GCFC2: variants seen among roughly 807,000 people sequenced by gnomAD.
GCFC2 encodes intron Large complex component GCFC2.
Under a neutral mutation model 99.4 loss-of-function variants are expected in GCFC2, and 102 were observed. The ratio of observed to expected loss-of-function variants is 1.03; its 90% CI spans 0.87 to 1.21. GCFC2 has a LOEUF of 1.21. Among genes scored for constraint, GCFC2 ranks in the 50% most tolerant of loss-of-function variants. The probability of loss-of-function intolerance (pLI) is 0.00; values close to 1 mark genes in which losing one functional copy is unlikely to be tolerated. For missense variants in GCFC2, 973 were observed against 920.9 expected (o/e 1.06, Z -0.73); for synonymous variants, 338 against 316.8 (o/e 1.07, Z -0.71).
chr2:75,702,138 T>TTC (rs768878844), intron 3 of GCFC2, 61 bp downstream of exon 3: 1 of 1,542,022 alleles, frequency 6.5e-7, no homozygotes, highest in South Asian at 1.2e-5. Context: ...TTTATGGAGA[T>TTC]TCTCTCATAT....
intron 8 of GCFC2, chr2:75,690,360 G>A (rs1002764432): frequency 2.0e-6 from 1 of 497,462 alleles, no homozygotes; most frequent in South Asian, 2.7e-5. Flanking sequence ...ACCAGATTCC[G>A]AAGAGGGGGT....
rs748577990 is a variant in GCFC2 at position 75,673,446 on chromosome 2, CTT to C, written c.1885_1886del (p.Lys629GlufsTer38). The C allele has an allele frequency of 7.5e-7, 1 of 1,337,352 alleles. No individual in the cohort carries two copies. The highest frequency in any genetic ancestry group is 1.4e-5 in the African/African-American group (1 of 69,660). 82.8% of individuals were successfully genotyped at this position (1,337,352 alleles called of 1,614,324 possible). A position where few individuals can be genotyped will look rare whatever the true frequency, so the allele number is the denominator to read the frequency against. On this transcript the variant is annotated frameshift_variant, in exon 13 of 17. Coordinates refer to ENST00000321027, the MANE Select transcript of GCFC2 (RefSeq NM_003203.5). LOFTEE classifies it high-confidence loss of function. Reference sequence around the variant, plus strand: ...ATCTAGAAATTAACAGCGCTTACCTCTTTGGATACAGAGGAATAAAAACATCA... The same window carrying C: ...ATCTAGAAATTAACAGCGCTTACCTCTGGATACAGAGGAATAAAAACATCA... ...EDDVFIPLYP[K>X]SAVENKTSPH...
chr2:75,695,909 T>C (rs907517554), intron 5 of GCFC2, among the ~76,000 whole-genome samples: 1 of 152,176 alleles, frequency 6.6e-6, no homozygotes, highest in Non-Finnish European at 1.5e-5. Flanking sequence ...TAGAACAGCA[T>C]GCAATTTAAA....
At chr2:75,683,445 C>T (rs1204413379) in intron 11 of GCFC2, among the ~76,000 whole-genome samples, 2 of 151,804 alleles carry the variant, frequency 1.3e-5, no homozygotes, top group Non-Finnish European at 2.9e-5. Flanking sequence ...CTGAAGGAAG[C>T]GCTAAACATG....
chr2:75,699,629 T>C (rs1452679977), intron 4 of GCFC2, among the ~76,000 whole-genome samples: 1 of 151,962 alleles, frequency 6.6e-6, no homozygotes, highest in Non-Finnish European at 1.5e-5. Context: ...CAGACTGGAG[T>C]GCAGTGGTGT....
chr2:75,706,721 CA>C (rs1680885626), intron 1 of GCFC2, 70 bp from the exon 2 acceptor site: 1 of 991,162 alleles, frequency 1.0e-6, no homozygotes, highest in Non-Finnish European at 1.5e-6. Flanking sequence ...AAATTCTGAA[CA>C]ACACATGGCA....
intron 3 of GCFC2, chr2:75,701,742 C>T: frequency 2.5e-6 from 1 of 404,678 alleles, no homozygotes; most frequent in South Asian, 1.0e-4. Flanking sequence ...AAACCTTGGT[C>T]AAATGCATAT....
Position 75,664,192 on chromosome 2 carries a change from ATTTG to A in GCFC2, c.*470_*473del. Reference sequence around the variant, plus strand: ...AATTGGTACAGATTTCTGAAGGATAATTTGACAATCGGCACATGCCTTAATCATT... The same window carrying A: ...AATTGGTACAGATTTCTGAAGGATAAACAATCGGCACATGCCTTAATCATT... On this transcript the variant is annotated 3_prime_UTR_variant, in exon 17 of 17. Transcript: ENST00000321027. The A allele has an allele frequency of 6.6e-6, 1 of 152,432 alleles. No individual in the cohort carries two copies. The highest frequency in any genetic ancestry group is 1.9e-4 in the East Asian group (1 of 5,190). The allele number at this position is 152,432 out of a possible 1,614,324, so 9.4% of individuals were successfully genotyped here.
Position 75,673,127 on chromosome 2 carries a change from G to C in GCFC2, c.1889+317C>G, listed in dbSNP as rs753463110. Among the ~76,000 whole-genome samples the C allele has an allele frequency of 2.9e-4, 44 of 152,228 alleles. No homozygotes were observed. The Middle Eastern group carries it at 0.014, about 47-fold the overall frequency. ...AGATCGAGACCATCCTGGCTAACAT[G>C]GTGAAACCCCATCTCTACTAAATAT... On this transcript the variant is annotated intron_variant, in intron 13 of 16. Transcript: ENST00000321027.
At chr2:75,664,985 T>C (rs17690224) in intron 16 of GCFC2, among the ~76,000 whole-genome samples, 29,247 of 152,086 alleles carry the variant, frequency 0.19, 3,554 homozygotes, top group South Asian at 0.27. Context: ...GGATGTATTC[T>C]GGCAAATTTC....
chr2:75,694,537 G>A, intron 5 of GCFC2, 110 bp from the exon 6 acceptor site: 1 of 440,178 alleles, frequency 2.3e-6, no homozygotes, highest in Admixed American at 4.2e-5. Flanking sequence ...ATATAAATCT[G>A]GGTTTATAGA....
chr2:75,699,067 G>T (rs1558749579), intron 4 of GCFC2, among the ~76,000 whole-genome samples: 1 of 151,738 alleles, frequency 6.6e-6, no homozygotes, highest in Non-Finnish European at 1.5e-5. Flanking sequence ...CATATTTGTG[G>T]AGCTGGGTTT....
intron 13 of GCFC2, among the ~76,000 whole-genome samples, chr2:75,673,174 G>A (rs1422598421): frequency 6.6e-6 from 1 of 152,172 alleles, no homozygotes; most frequent in Non-Finnish European, 1.5e-5. Context: ...GCCGGGCGTG[G>A]TGGCGGGCGC....
intron 2 of GCFC2, among the ~76,000 whole-genome samples, chr2:75,706,070 C>T (rs1680849876): frequency 6.6e-6 from 1 of 152,194 alleles, no homozygotes; most frequent in Admixed American, 6.5e-5. Context: ...GTTCCCTAAG[C>T]CCTGTATAAT....
intron 8 of GCFC2, chr2:75,690,434 C>G (rs765387907): frequency 2.3e-4 from 124 of 529,848 alleles, no homozygotes; most frequent in Admixed American, 9.9e-4. Context: ...TCATTTTACC[C>G]ATTCCTTTTA....
At position 75,680,242 on chromosome 2, in the gene GCFC2, A is replaced by G. The variant is rs1257584241; in HGVS notation, c.1763T>C (p.Ile588Thr). The G allele has an allele frequency of 1.2e-6, 2 of 1,605,040 alleles. No homozygotes were observed. The highest frequency in any genetic ancestry group is 1.1e-5 in the South Asian group (1 of 90,814). ...TTSLITHCRV[I>T]LEEHSTCENE... ...TTCACAAGTGGAATGTTCTTCAAGA[A>G]TCACTCTGCAATGTGTTATTAAACT... Residue 588 changes from isoleucine (I) to threonine (T), a missense_variant, in exon 12 of 17, where the codon ATT becomes ACT. Ile to Thr is a moderately conservative substitution (Grantham distance 89). Coordinates refer to ENST00000321027, the MANE Select transcript of GCFC2 (RefSeq NM_003203.5).
chr2:75,667,844 C>A (rs756638101), intron 15 of GCFC2, among the ~76,000 whole-genome samples: 7 of 152,082 alleles, frequency 4.6e-5, no homozygotes, highest in Non-Finnish European at 7.4e-5. Context: ...TAAACTAAAC[C>A]TGAACAACAT....
intron 11 of GCFC2, among the ~76,000 whole-genome samples, chr2:75,687,573 C>G (rs561373517): frequency 3.3e-4 from 51 of 152,272 alleles, no homozygotes; most frequent in African/African-American, 1.1e-3. Context: ...GAAGGGTCAA[C>G]TGTTGGAACT....
chr2:75,683,138 A>T (rs901043930), intron 11 of GCFC2, among the ~76,000 whole-genome samples: 10 of 151,882 alleles, frequency 6.6e-5, no homozygotes, highest in African/African-American at 2.2e-4. Context: ...AAGACACATA[A>T]TTGTCAGATT....
Sources: allele counts gnomAD v4.1 joint callset (sites outside exome capture counted in the v4.1 genomes callset), GRCh38; gene constraint gnomAD v4.1.1; transcripts MANE v1.5; gene names NCBI Gene and HGNC (gene_info 2026-07-23, HGNC 2026-07-21).